NAA35: variants seen among roughly 807,000 people sequenced by gnomAD.
The protein encoded by NAA35 is N-alpha-acetyltransferase 35, NatC auxiliary subunit, also known as MAK10 homolog, amino-acid N-acetyltransferase subunit.
Under a neutral mutation model 101.7 loss-of-function variants are expected in NAA35, and 18 were observed. The observed-to-expected ratio is 0.18, with a 90% confidence interval of 0.12 to 0.26. The LOEUF (loss-of-function observed/expected upper bound fraction) is 0.26. Ranked by LOEUF, NAA35 falls within the 10% of genes least tolerant of loss-of-function variation. The pLI is 1.00. For missense variants in NAA35, 601 were observed against 886.8 expected, an observed-to-expected ratio of 0.68 and a Z score of 4.09; for synonymous variants, 267 against 273.1, an observed-to-expected ratio of 0.98 and a Z score of 0.22.
chr9:86,009,814 T>C, intron 14 of NAA35, 51 bp from the exon 15 acceptor site: 1 of 1,416,574 alleles, frequency 7.1e-7, no homozygotes. Context: ...TAATTGCTGC[T>C]GCTTTTGTTT....
chr9:86,024,454 G>C lies in NAA35; in HGVS notation c.*2494G>C, dbSNP rs181396249. On this transcript the variant is annotated 3_prime_UTR_variant, in exon 23 of 23. Transcript: ENST00000361671. ...AGATTCTACTGAAGGCTTGTATGCAGGGACATGATGGGATCAAGTCAAATC... is the reference window on the plus strand; with the variant it reads ...AGATTCTACTGAAGGCTTGTATGCACGGACATGATGGGATCAAGTCAAATC... Among the ~76,000 whole-genome samples the C allele has an allele frequency of 1.6e-3, 245 of 152,294 alleles. 1 individual carries two copies. Among genetic ancestry groups the C allele is most frequent in the African/African-American group, 3.7e-3 (155 of 41,564 alleles).
At chr9:85,956,416 T>C (rs755140893) in intron 3 of NAA35, 23 bp downstream of exon 3, 3 of 1,345,110 alleles carry the variant, frequency 2.2e-6, no homozygotes, top group African/African-American at 1.5e-5. Context: ...CCTTTGAAAA[T>C]AGTGTAGTGT....
Position 85,968,605 on chromosome 9 carries a change from C to A in NAA35, c.517-6362C>A, listed in dbSNP as rs544106813. On this transcript the variant is annotated intron_variant, in intron 6 of 22. Transcript: ENST00000361671. ...TATGTAGTTTAAAAAGTTAAATAGCCCACTTATGAGGAAAAATAGTTCTCT... is the reference window on the plus strand; with the variant it reads ...TATGTAGTTTAAAAAGTTAAATAGCACACTTATGAGGAAAAATAGTTCTCT... 2.0e-5 allele frequency among the ~76,000 whole-genome samples: 3 copies of A among 151,806 alleles called. No individual in the cohort carries two copies. In the East Asian group the frequency reaches 5.8e-4, roughly 29 times the overall value.
intron 6 of NAA35, among the ~76,000 whole-genome samples, chr9:85,965,160 G>A (rs998298444): frequency 9.9e-5 from 15 of 152,088 alleles, no homozygotes; most frequent in Admixed American, 2.0e-4. Context: ...TAAAATGCAC[G>A]TCTTGACTCA....
At chr9:85,982,588 A>AG in intron 11 of NAA35, among the ~76,000 whole-genome samples, 1 of 152,300 alleles carries the variant, frequency 6.6e-6, no homozygotes. Flanking sequence ...ACAGTTGCCA[A>AG]TGGAAATAAT....
intron 14 of NAA35, among the ~76,000 whole-genome samples, chr9:86,008,704 T>C (rs980104180): frequency 1.3e-5 from 2 of 152,240 alleles, no homozygotes; most frequent in Non-Finnish European, 2.9e-5. Flanking sequence ...GAAAACTTTA[T>C]TGTGTGGTAG....
intron 11 of NAA35, 65 bp downstream of exon 11, chr9:85,978,446 G>A: frequency 8.7e-7 from 1 of 1,148,328 alleles, no homozygotes; most frequent in Non-Finnish European, 1.3e-6. Context: ...TTAGTGCTTA[G>A]CTTGTACTAA....
intron 12 of NAA35, among the ~76,000 whole-genome samples, chr9:85,999,015 A>G (rs188966805): frequency 2.0e-5 from 3 of 152,314 alleles, no homozygotes; most frequent in African/African-American, 7.2e-5. Context: ...TTTTCCTTCT[A>G]TTAATTCTTT....
intron 17 of NAA35, chr9:86,015,647 T>A: frequency 1.3e-6 from 1 of 795,960 alleles, no homozygotes; most frequent in Non-Finnish European, 1.5e-6. Context: ...ACCATTGGTA[T>A]AGAATATCAG....
chr9:85,961,910 C>T (rs971494383), intron 5 of NAA35, 103 bp from the exon 6 acceptor site: 5 of 739,672 alleles, frequency 6.8e-6, no homozygotes, highest in Non-Finnish European at 8.1e-6. Context: ...TGTGATTAAT[C>T]TTATTTGGGT....
chr9:85,999,175 TAGAA>T (rs990545111), intron 12 of NAA35, among the ~76,000 whole-genome samples: 40 of 152,312 alleles, frequency 2.6e-4, no homozygotes, highest in African/African-American at 5.5e-4. Context: ...AAAAAGATCA[TAGAA>T]AGACAGTTTT....
chr9:85,988,871 G>A (rs544509213), intron 11 of NAA35, among the ~76,000 whole-genome samples: 1 of 152,108 alleles, frequency 6.6e-6, no homozygotes, highest in South Asian at 2.1e-4. Flanking sequence ...AAGGAGATGT[G>A]AAGTATGATG....
At chr9:86,013,260 T>G (rs1832038140) in intron 16 of NAA35, 116 bp downstream of exon 16, 2 of 570,492 alleles carry the variant, frequency 3.5e-6, no homozygotes, top group African/African-American at 1.9e-5. Flanking sequence ...TGATCCACTT[T>G]TCACTTAAAA....
chr9:85,977,493 CT>C (rs1830264722), intron 10 of NAA35, 47 bp downstream of exon 10: 2 of 1,364,888 alleles, frequency 1.5e-6, no homozygotes, highest in Non-Finnish European at 1.0e-6. Flanking sequence ...GTGATTTTGG[CT>C]GGAATTCCTG....
At chr9:85,951,002 G>A (rs1201572513) in intron 2 of NAA35, among the ~76,000 whole-genome samples, 1 of 151,946 alleles carries the variant, frequency 6.6e-6, no homozygotes, top group Non-Finnish European at 1.5e-5. Context: ...GCTGGGCGTG[G>A]CAGTGTGCAC....
chr9:85,956,016 G>A (rs1829259039), intron 2 of NAA35, among the ~76,000 whole-genome samples: 1 of 152,194 alleles, frequency 6.6e-6, no homozygotes, highest in African/African-American at 2.4e-5. Flanking sequence ...TTGAGAAGTA[G>A]CAGTCAGTTC....
chr9:85,998,040 G>A (rs1325156052), intron 12 of NAA35, among the ~76,000 whole-genome samples: 3 of 151,970 alleles, frequency 2.0e-5, no homozygotes, highest in East Asian at 1.9e-4. Flanking sequence ...TCAGCCTCCC[G>A]AGTAGCTGGG....
chr9:86,022,466 GGATTTTTGGGAGGGCCTCTA>G lies in NAA35; in HGVS notation c.*507_*526del, dbSNP rs533037526. On this transcript the variant is annotated 3_prime_UTR_variant, in exon 23 of 23. Coordinates refer to ENST00000361671, the MANE Select transcript of NAA35 (RefSeq NM_024635.4). ...GATTTTGGTAAAATACATTTAGAAG[GGATTTTTGGGAGGGCCTCTA>G]AATTACATGAAAATTGTGATTTTTA... Among the ~76,000 whole-genome samples, 161 of 152,092 alleles carry G rather than the reference GGATTTTTGGGAGGGCCTCTA, an allele frequency of 1.1e-3. No individual in the cohort carries two copies. Among genetic ancestry groups the G allele is most frequent in the African/African-American group, 3.6e-3 (150 of 41,472 alleles).
intron 8 of NAA35, among the ~76,000 whole-genome samples, chr9:85,976,307 A>G (rs957586175): frequency 2.6e-5 from 4 of 152,192 alleles, no homozygotes; most frequent in Non-Finnish European, 4.4e-5. Context: ...ATTTTTTCAT[A>G]ATGTGATTTT....
Sources: allele counts gnomAD v4.1 joint callset (sites outside exome capture counted in the v4.1 genomes callset), GRCh38; gene constraint gnomAD v4.1.1; transcripts MANE v1.5; gene names NCBI Gene and HGNC (gene_info 2026-07-23, HGNC 2026-07-21).